Variants in ZNF362 observed in about 807,000 individuals in gnomAD.
The protein encoded by ZNF362 is rotund homolog.
A neutral mutation model predicts 42.9 loss-of-function variants in ZNF362; 11 were observed. The ratio of observed to expected loss-of-function variants is 0.26; its 90% confidence interval spans 0.16 to 0.42. The LOEUF (loss-of-function observed/expected upper bound fraction) is 0.42. Ranked by LOEUF, ZNF362 falls within the 20% of genes least tolerant of loss-of-function variation. The pLI, the probability that ZNF362 is intolerant of heterozygous loss-of-function variation, is 1.00. For missense variants in ZNF362, 362 were observed against 576.2 expected (o/e 0.63, Z 3.81); for synonymous variants, 255 against 257.3 (o/e 0.99, Z 0.09).
At chr1:33,208,418 T>C in the ZNF362 span, among the ~76,000 whole-genome samples, 1 of 152,212 alleles carries the variant, frequency 6.6e-6, no homozygotes, top group African/African-American at 2.4e-5. Context: ...GTGGGCTCTT[T>C]TTTTGTTCCA....
chr1:33,191,012 C>T, the ZNF362 span, among the ~76,000 whole-genome samples: 11 of 152,210 alleles, frequency 7.2e-5, no homozygotes, highest in African/African-American at 2.4e-4. Context: ...TGGTGTTCCT[C>T]CTCAGAGATC....
chr1:33,292,841 A>T (rs1165719772), intron 6 of ZNF362, among the ~76,000 whole-genome samples: 3 of 152,212 alleles, frequency 2.0e-5, no homozygotes, highest in Admixed American at 2.0e-4. Flanking sequence ...TGCTGGCCTC[A>T]GGCGGAGTTG....
At chr1:33,183,336 T>C in the ZNF362 span, among the ~76,000 whole-genome samples, 11 of 152,194 alleles carry the variant, frequency 7.2e-5, no homozygotes, top group Non-Finnish European at 1.5e-4. Context: ...TCAGTTTAGT[T>C]CTCTATGGTT....
At chr1:33,240,092 G>C in the ZNF362 span, among the ~76,000 whole-genome samples, 1 of 152,144 alleles carries the variant, frequency 6.6e-6, no homozygotes, top group Non-Finnish European at 1.5e-5. Context: ...AGCCTGATGA[G>C]GAACAGGACA....
chr1:33,252,776 A>G (rs1332663750), upstream of ZNF362, among the ~76,000 whole-genome samples: 1 of 152,176 alleles, frequency 6.6e-6, no homozygotes, highest in African/African-American at 2.4e-5. Flanking sequence ...ACTCTAATCC[A>G]AGAGATTGAT....
the ZNF362 span, among the ~76,000 whole-genome samples, chr1:33,247,031 T>C: frequency 6.6e-6 from 1 of 152,210 alleles, no homozygotes; most frequent in African/African-American, 2.4e-5. Context: ...GGCCTTGCGA[T>C]GTCCTGGTCT....
chr1:33,204,053 A>G, the ZNF362 span, among the ~76,000 whole-genome samples: 8 of 152,156 alleles, frequency 5.3e-5, no homozygotes, highest in African/African-American at 1.9e-4. Flanking sequence ...TACCAAGGCC[A>G]AAGTCAAGGA....
the ZNF362 span, among the ~76,000 whole-genome samples, chr1:33,199,179 C>T: frequency 1.1e-4 from 17 of 152,030 alleles, no homozygotes; most frequent in African/African-American, 4.1e-4. Flanking sequence ...TGAAACTCAA[C>T]AAACCTAAAC....
chr1:33,224,606 G>C, the ZNF362 span, among the ~76,000 whole-genome samples: 189 of 152,222 alleles, frequency 1.2e-3, no homozygotes, highest in Non-Finnish European at 2.0e-3. Context: ...AATTTGAAGA[G>C]ACCTATAATT....
At chr1:33,180,565 C>A in the ZNF362 span, among the ~76,000 whole-genome samples, 1 of 152,170 alleles carries the variant, frequency 6.6e-6, no homozygotes, top group African/African-American at 2.4e-5. Flanking sequence ...CCACAGAACC[C>A]CCAGCCTGCC....
chr1:33,213,770 G>A, the ZNF362 span, among the ~76,000 whole-genome samples: 1,279 of 152,102 alleles, frequency 8.4e-3, 19 homozygotes, highest in African/African-American at 0.03. Context: ...GCTTGAACCC[G>A]GGAGGCAAAG....
the ZNF362 span, among the ~76,000 whole-genome samples, chr1:33,189,551 G>A: frequency 6.7e-6 from 1 of 149,040 alleles, no homozygotes; most frequent in Non-Finnish European, 1.5e-5. Flanking sequence ...CAGTTGTTAA[G>A]CTGTTGCCTC....
chr1:33,145,050 G>A, the ZNF362 span, among the ~76,000 whole-genome samples: 1 of 152,234 alleles, frequency 6.6e-6, no homozygotes, highest in South Asian at 2.1e-4. Flanking sequence ...GCCTGGATTT[G>A]AGCTGAGGTC....
At chr1:33,151,655 C>T in the ZNF362 span, among the ~76,000 whole-genome samples, 1 of 152,122 alleles carries the variant, frequency 6.6e-6, no homozygotes, top group Non-Finnish European at 1.5e-5. Flanking sequence ...TTTCTAAGTC[C>T]CGGGACACCA....
Position 33,297,511 on chromosome 1 carries a change from C to CTTTTTTTTT in ZNF362, c.1147-1418_1147-1417insTTTTTTTTT, listed in dbSNP as rs776504622. 3.4e-4 allele frequency among the ~76,000 whole-genome samples: 27 copies of CTTTTTTTTT among 78,882 alleles called. 3 individuals are homozygous for CTTTTTTTTT. Among genetic ancestry groups the CTTTTTTTTT allele is most frequent in the Non-Finnish European group, 3.5e-4 (15 of 43,464 alleles). 51.7% of individuals were successfully genotyped at this position (78,882 alleles called of 152,430 possible). A position where few individuals can be genotyped will look rare whatever the true frequency, so the allele number is the denominator to read the frequency against. ...ATGATTTGGTGTATTTACATGATTCCTCTTTTTTTTTTTTTTTTTGAGACG... is the reference window on the plus strand; with the variant it reads ...ATGATTTGGTGTATTTACATGATTCCTTTTTTTTTTCTTTTTTTTTTTTTTTTTGAGACG... On this transcript the variant is annotated intron_variant, in intron 8 of 8. Transcript: ENST00000539719.
At chr1:33,265,052 C>T (rs1322003885) in intron 1 of ZNF362, among the ~76,000 whole-genome samples, 1 of 151,844 alleles carries the variant, frequency 6.6e-6, no homozygotes, top group Non-Finnish European at 1.5e-5. Flanking sequence ...AGGTGCCTGG[C>T]ATGGAGGAAG....
intron 4 of ZNF362, 77 bp downstream of exon 4, chr1:33,276,671 A>G (rs1474548627): frequency 7.8e-7 from 1 of 1,284,366 alleles, no homozygotes; most frequent in Non-Finnish European, 9.8e-7. Flanking sequence ...GGACTTGGTG[A>G]GGATGGGACC....
the ZNF362 span, among the ~76,000 whole-genome samples, chr1:33,162,588 G>A: frequency 6.6e-6 from 1 of 152,226 alleles, no homozygotes; most frequent in Non-Finnish European, 1.5e-5. Context: ...GGGTGAAGGA[G>A]GGAAGAGTCT....
chr1:33,223,540 A>G, the ZNF362 span, among the ~76,000 whole-genome samples: 26 of 152,188 alleles, frequency 1.7e-4, no homozygotes, highest in Non-Finnish European at 3.5e-4. Context: ...TACCTCCTTC[A>G]TAGCACTTTT....
Sources: allele counts gnomAD v4.1 joint callset (sites outside exome capture counted in the v4.1 genomes callset), GRCh38; gene constraint gnomAD v4.1.1; transcripts MANE v1.5; gene names NCBI Gene and HGNC (gene_info 2026-07-23, HGNC 2026-07-21).